The following SCTR variants were observed in gnomAD, a reference collection of about 807,000 sequenced individuals.
SCTR encodes pancreatic secretin receptor.
In SCTR, 56 loss-of-function variants were observed where a neutral mutation model predicts 60.8. That is an observed-to-expected ratio of 0.92 (90% CI 0.74 to 1.15). The LOEUF (loss-of-function observed/expected upper bound fraction) is 1.15, where lower values mean the gene tolerates loss of function less well. SCTR is among the 50% of genes most tolerant of loss of function. The pLI, the probability that SCTR is intolerant of heterozygous loss-of-function variation, is 0.00. For synonymous variants in SCTR, 202 were observed against 217.0 expected, an observed-to-expected ratio of 0.93 and a Z score of 0.61; for missense variants, 562 against 550.4, an observed-to-expected ratio of 1.02 and a Z score of -0.21.
At chr2:119,512,701 T>C (rs1678995720) in intron 1 of SCTR, among the ~76,000 whole-genome samples, 1 of 152,196 alleles carries the variant, frequency 6.6e-6, no homozygotes, top group Admixed American at 6.5e-5. Context: ...CCAGCCTTTG[T>C]GATTTTCTTT....
intron 2 of SCTR, among the ~76,000 whole-genome samples, chr2:119,491,346 G>A (rs1375669923): frequency 6.6e-6 from 1 of 152,146 alleles, no homozygotes; most frequent in Non-Finnish European, 1.5e-5. Flanking sequence ...TCATGTCTGT[G>A]CCCAGCAACC....
intron 5 of SCTR, 21 bp downstream of exon 5, chr2:119,465,768 G>T: frequency 6.5e-7 from 1 of 1,542,474 alleles, no homozygotes; most frequent in South Asian, 1.1e-5. Context: ...GGGGTATGGA[G>T]AGCTGGCAGT....
intron 1 of SCTR, 148 bp from the exon 2 acceptor site, chr2:119,494,696 G>T: frequency 1.3e-6 from 1 of 770,014 alleles, no homozygotes; most frequent in Non-Finnish European, 2.0e-6. Context: ...TGCAGGAAAG[G>T]TGGAGGCAGC....
At chr2:119,454,345 A>G (rs541653811) in intron 7 of SCTR, among the ~76,000 whole-genome samples, 7 of 152,130 alleles carry the variant, frequency 4.6e-5, no homozygotes, top group Non-Finnish European at 1.0e-4. Context: ...TCAACTTCCA[A>G]CAGAGTTTAT....
chr2:119,462,873 C>T lies in SCTR; in HGVS notation c.637-873G>A, dbSNP rs144139735. Reference sequence around the variant, plus strand: ...CAAGGCCCATGGTTGACTTGTGAGTCTAATGTTTAGTAAAACCTGAGAAGG... The same window carrying T: ...CAAGGCCCATGGTTGACTTGTGAGTTTAATGTTTAGTAAAACCTGAGAAGG... On this transcript the variant is annotated intron_variant, in intron 6 of 12. Transcript: ENST00000019103. Among the ~76,000 whole-genome samples the T allele has an allele frequency of 8.8e-3, 1,347 of 152,318 alleles. 6 individuals are homozygous for T. The highest frequency in any genetic ancestry group is 0.017 in the Admixed American group (266 of 15,292).
rs1677036366 is a variant in SCTR at position 119,471,978 on chromosome 2, CACAA to C, written c.405+1471_405+1474del. 2.0e-5 allele frequency among the ~76,000 whole-genome samples: 3 copies of C among 152,292 alleles called. No homozygotes were observed. The East Asian group carries it at 5.8e-4, about 29-fold the overall frequency. Reference sequence around the variant, plus strand: ...CTGGCACTCAGTAGATGTTTAAGTGCACAAACAAATATTTATTGGGCACCTCATA... The same window carrying C: ...CTGGCACTCAGTAGATGTTTAAGTGCACAAATATTTATTGGGCACCTCATA... On this transcript the variant is annotated intron_variant, in intron 4 of 12. Coordinates refer to ENST00000019103, the MANE Select transcript of SCTR (RefSeq NM_002980.3).
intron 11 of SCTR, among the ~76,000 whole-genome samples, chr2:119,441,817 G>A (rs72833262): frequency 6.6e-6 from 1 of 152,114 alleles, no homozygotes; most frequent in African/African-American, 2.4e-5. Flanking sequence ...ACTCCTTGCA[G>A]CCAAGGGTAG....
chr2:119,446,411 A>C (rs1332473245), intron 11 of SCTR, among the ~76,000 whole-genome samples: 2 of 152,166 alleles, frequency 1.3e-5, no homozygotes, highest in East Asian at 3.9e-4. Flanking sequence ...CGCGAGGCTC[A>C]TCTTCCCGCC....
intron 12 of SCTR, 27 bp from the exon 13 acceptor site, chr2:119,440,284 A>G: frequency 1.2e-6 from 2 of 1,603,050 alleles, no homozygotes; most frequent in South Asian, 2.3e-5. Context: ...CCATCAGCCC[A>G]GGAGGAGAGG....
chr2:119,514,556 G>A (rs1301564009), intron 1 of SCTR, among the ~76,000 whole-genome samples: 1 of 152,142 alleles, frequency 6.6e-6, no homozygotes, highest in Non-Finnish European at 1.5e-5. Context: ...CAAAATCTGG[G>A]AGGAGATATA....
At chr2:119,467,707 A>C (rs899718677) in intron 4 of SCTR, among the ~76,000 whole-genome samples, 2 of 151,674 alleles carry the variant, frequency 1.3e-5, no homozygotes, top group Non-Finnish European at 2.9e-5. Flanking sequence ...GATAAAAAAA[A>C]CCCAAATGTC....
intron 1 of SCTR, among the ~76,000 whole-genome samples, chr2:119,522,557 C>A (rs939074198): frequency 6.6e-6 from 1 of 152,140 alleles, no homozygotes; most frequent in Non-Finnish European, 1.5e-5. Context: ...TTCCAAGGTA[C>A]ACTGAAGACT....
At chr2:119,443,180 T>G (rs1289031634) in intron 11 of SCTR, among the ~76,000 whole-genome samples, 2 of 152,176 alleles carry the variant, frequency 1.3e-5, no homozygotes, top group African/African-American at 2.4e-5. Context: ...TGTGCTCCAG[T>G]GTATATAGGG....
chr2:119,446,815 G>A lies in SCTR; in HGVS notation c.1084C>T (p.Pro362Ser). Reference protein sequence around the residue: ...GIHYIVFAFSPEDAMEIQLFF... With the variant: ...GIHYIVFAFSSEDAMEIQLFF... ...AGCTGGATCTCCATAGCGTCCTCTGGGGAGAAGGCGAAGACGATGTAGTGG... is the reference window on the plus strand; with the variant it reads ...AGCTGGATCTCCATAGCGTCCTCTGAGGAGAAGGCGAAGACGATGTAGTGG... The change falls in exon 11 of 13, where the codon CCA becomes TCA. Residue 362 changes from proline (P) to serine (S), a missense_variant. By Grantham distance (74) the Pro-to-Ser change is moderately conservative. Coordinates refer to ENST00000019103, the MANE Select transcript of SCTR (RefSeq NM_002980.3). 1.3e-6 allele frequency: 2 copies of A among 1,583,724 alleles called. No individual in the cohort carries two copies. Among genetic ancestry groups the A allele is most frequent in the Non-Finnish European group, 1.7e-6 (2 of 1,164,108 alleles).
At chr2:119,470,141 A>G (rs1247576759) in intron 4 of SCTR, among the ~76,000 whole-genome samples, 1 of 152,210 alleles carries the variant, frequency 6.6e-6, no homozygotes, top group Non-Finnish European at 1.5e-5. Context: ...TCCAAGAGCT[A>G]CAGTTTGCAA....
At chr2:119,456,184 T>C (rs542694626) in intron 7 of SCTR, among the ~76,000 whole-genome samples, 186 of 151,510 alleles carry the variant, frequency 1.2e-3, no homozygotes, top group African/African-American at 4.1e-3. Context: ...TCTCAGCCTC[T>C]TGAATAGCTG....
chr2:119,444,368 CAT>C lies in SCTR; in HGVS notation c.1140+2389_1140+2390del, dbSNP rs1457144466. Among the ~76,000 whole-genome samples the C allele has an allele frequency of 5.3e-3, 740 of 140,588 alleles. 28 individuals carry two copies. The highest frequency in any genetic ancestry group is 0.015 in the African/African-American group (540 of 37,006). 92.2% of individuals were successfully genotyped at this position (140,588 alleles called of 152,430 possible). A position where few individuals can be genotyped will look rare whatever the true frequency, so the allele number is the denominator to read the frequency against. On this transcript the variant is annotated intron_variant, in intron 11 of 12. Coordinates refer to ENST00000019103, the MANE Select transcript of SCTR (RefSeq NM_002980.3). ...ATATATACGTATGAATATATATACA[CAT>C]ATATACGTATGAATATATATACACA...
At chr2:119,482,811 C>T (rs1031843951) in intron 2 of SCTR, among the ~76,000 whole-genome samples, 1 of 152,114 alleles carries the variant, frequency 6.6e-6, no homozygotes, top group African/African-American at 2.4e-5. Flanking sequence ...CTCTGTGTCT[C>T]CGTGCTGACC....
At chr2:119,478,574 C>T (rs967871341) in intron 3 of SCTR, among the ~76,000 whole-genome samples, 5 of 152,182 alleles carry the variant, frequency 3.3e-5, no homozygotes, top group Admixed American at 2.0e-4. Flanking sequence ...CAGGCCCAGC[C>T]TCCCTTATCG....
Sources: allele counts gnomAD v4.1 joint callset (sites outside exome capture counted in the v4.1 genomes callset), GRCh38; gene constraint gnomAD v4.1.1; transcripts MANE v1.5; gene names NCBI Gene and HGNC (gene_info 2026-07-23, HGNC 2026-07-21).